KIF15: variants seen among roughly 807,000 people sequenced by gnomAD.
KIF15 encodes kinesin family member 15.
In KIF15, 140 loss-of-function variants were observed where a neutral mutation model predicts 190.6. The observed-to-expected ratio is 0.73, with a 90% CI of 0.64 to 0.84. KIF15 has a LOEUF of 0.84. Ranked by LOEUF, KIF15 falls within the 40% of genes least tolerant of loss-of-function variation. KIF15 has a pLI of 0.00. For synonymous variants in KIF15, 528 were observed against 551.3 expected, an observed-to-expected ratio of 0.96 and a Z score of 0.59; for missense variants, 1,372 against 1,584.4, an observed-to-expected ratio of 0.87 and a Z score of 2.28.
intron 20 of KIF15, among the ~76,000 whole-genome samples, chr3:44,821,806 C>G (rs1016954329): frequency 2.6e-5 from 4 of 152,230 alleles, no homozygotes; most frequent in African/African-American, 9.6e-5. Context: ...GAGCTGAGAT[C>G]ACGCCACTGC....
chr3:44,829,046 A>AC (rs1697829968), intron 24 of KIF15, among the ~76,000 whole-genome samples: 1 of 151,674 alleles, frequency 6.6e-6, no homozygotes, highest in Non-Finnish European at 1.5e-5. Context: ...TCAAAAAAAA[A>AC]AATTATAAAG....
chr3:44,810,967 T>C lies in KIF15; in HGVS notation c.2093T>C (p.Ile698Thr), dbSNP rs146741879. ...TQNSSILDND[I>T]LNEPVPPEMN... The stretch of plus-strand genomic sequence containing the variant: ...AATTCTAGCATATTAGATAATGATA[T>C]ATTAAATGAGCCAGTTCCTCCTGAG... Residue 698 changes from isoleucine (I) to threonine (T), a missense_variant, in exon 17 of 35, where the codon ATA becomes ACA. Ile to Thr is a moderately conservative substitution (Grantham distance 89). Coordinates refer to ENST00000326047, the MANE Select transcript of KIF15 (RefSeq NM_020242.3). 8 of 1,613,748 alleles carry C rather than the reference T, an allele frequency of 5.0e-6. No individual in the cohort carries two copies. The highest frequency in any genetic ancestry group is 1.6e-4 in the Middle Eastern group (1 of 6,084).
rs1251199995 is a variant in KIF15 at position 44,862,311 on chromosome 3, CAG to C, written c.*59+9522_*59+9523del. 1.5e-5 allele frequency: 3 copies of C among 195,286 alleles called. No individual in the cohort carries two copies. In the South Asian group the frequency reaches 5.3e-4, roughly 35 times the overall value. 12.1% of individuals were successfully genotyped at this position (195,286 alleles called of 1,614,324 possible). A position where few individuals can be genotyped will look rare whatever the true frequency, so the allele number is the denominator to read the frequency against. ...GCGGCGCTGCGGTCAGCTGGGGTGG[CAG>C]AGAGTGTTTCGCCTCTAATCACGCC... On this transcript the variant is annotated intron_variant and NMD_transcript_variant, in intron 6 of 6. Coordinates refer to the KIF15 transcript ENST00000422209.
chr3:44,812,717 G>T (rs1419631004), intron 18 of KIF15, among the ~76,000 whole-genome samples: 1 of 152,176 alleles, frequency 6.6e-6, no homozygotes, highest in Non-Finnish European at 1.5e-5. Context: ...AGGCACAGTG[G>T]CTAACACCTG....
chr3:44,822,056 T>C (rs1430792308), intron 20 of KIF15, among the ~76,000 whole-genome samples: 1 of 152,220 alleles, frequency 6.6e-6, no homozygotes, highest in Admixed American at 6.5e-5. Context: ...GAGGTTGCAG[T>C]GAGCTGAGAT....
rs922227812 is a variant in KIF15 at position 44,832,609 on chromosome 3, G to A, written c.3171+1591G>A. Among the ~76,000 whole-genome samples the A allele has an allele frequency of 9.9e-5, 15 of 152,150 alleles. No homozygotes were observed. In the South Asian group the frequency reaches 3.1e-3, roughly 32 times the overall value. On this transcript the variant is annotated intron_variant, in intron 26 of 34. Transcript: ENST00000326047. The stretch of plus-strand genomic sequence containing the variant: ...GATGCATTTTATACATACCAGTTTT[G>A]AATTTTAAGGACCTGTGGGGTAGAT...
chr3:44,848,386 G>A, intron 31 of KIF15, 135 bp from the exon 32 acceptor site: 1 of 577,952 alleles, frequency 1.7e-6, no homozygotes, highest in Non-Finnish European at 3.1e-6. Flanking sequence ...TGTGTAGCTG[G>A]CACTGTGGAA....
intron 2 of KIF15, 26 bp from the exon 3 acceptor site, chr3:44,775,228 T>C: frequency 1.3e-6 from 2 of 1,589,060 alleles, no homozygotes; most frequent in Non-Finnish European, 1.7e-6. Flanking sequence ...TAAACTGAAC[T>C]GTTACTTTCT....
intron 26 of KIF15, among the ~76,000 whole-genome samples, chr3:44,834,362 A>T (rs1398894922): frequency 6.6e-6 from 1 of 152,200 alleles, no homozygotes; most frequent in East Asian, 1.9e-4. Context: ...TGTTATTTGC[A>T]GATGGTCATG....
chr3:44,807,021 G>A (rs1707536280), intron 16 of KIF15, among the ~76,000 whole-genome samples: 1 of 152,072 alleles, frequency 6.6e-6, no homozygotes. Context: ...TAGGATTACA[G>A]GCAAGAGCCA....
chr3:44,841,118 C>T lies in KIF15; in HGVS notation c.3465C>T (p.Leu1155=), dbSNP rs1457806288. The T allele has an allele frequency of 6.2e-7, 1 of 1,613,672 alleles. No individual in the cohort carries two copies. Among genetic ancestry groups the T allele is most frequent in the African/African-American group, 1.3e-5 (1 of 74,868 alleles). ...ACTTTCAAACACATTTGGCAAAACT[C>T]CTGGAAACACAAGAACAAGAGATAG... ...PPHFQTHLAK[L]LETQEQEIED... is the part of the protein sequence containing the mutation. The change falls in exon 29 of 35, where the codon CTC becomes CTT. Residue 1155 remains leucine (L), a synonymous_variant. Coordinates refer to ENST00000326047, the MANE Select transcript of KIF15 (RefSeq NM_020242.3).
chr3:44,783,882 C>A (rs926105376), intron 5 of KIF15, among the ~76,000 whole-genome samples: 1 of 152,150 alleles, frequency 6.6e-6, no homozygotes, highest in Non-Finnish European at 1.5e-5. Context: ...TAGATCTTTT[C>A]TAGCTATATA....
intron 3 of KIF15, among the ~76,000 whole-genome samples, chr3:44,777,381 G>A (rs1377426975): frequency 6.6e-6 from 1 of 152,012 alleles, no homozygotes; most frequent in Non-Finnish European, 1.5e-5. Flanking sequence ...TTTATGTGGA[G>A]CATCGCTGGC....
intron 6 of KIF15, chr3:44,864,091 C>T: frequency 1.4e-6 from 2 of 1,428,562 alleles, no homozygotes; most frequent in Non-Finnish European, 1.9e-6. Flanking sequence ...AGTGGGAGCT[C>T]AGTAGGAGCC....
chr3:44,792,944 A>C (rs1706788998), intron 7 of KIF15, among the ~76,000 whole-genome samples: 1 of 152,148 alleles, frequency 6.6e-6, no homozygotes, highest in African/African-American at 2.4e-5. Context: ...TGAGATAAAG[A>C]CACTAATTTC....
At chr3:44,810,777 T>G in intron 16 of KIF15, 69 bp from the exon 17 acceptor site, 1 of 1,271,524 alleles carries the variant, frequency 7.9e-7, no homozygotes, top group Non-Finnish European at 1.1e-6. Flanking sequence ...TCCTCTCTAT[T>G]CACAAAATTA....
intron 28 of KIF15, 111 bp downstream of exon 28, chr3:44,840,567 C>CT: frequency 1.6e-6 from 1 of 618,710 alleles, no homozygotes. Flanking sequence ...AAGATTTTCA[C>CT]TAATACCCTC....
At chr3:44,815,175 C>A (rs919802377) in intron 20 of KIF15, 99 bp downstream of exon 20, 1 of 1,068,252 alleles carries the variant, frequency 9.4e-7, no homozygotes, top group Admixed American at 3.0e-5. Context: ...AGCAGTTAGA[C>A]AAATAAAAAA....
In KIF15 at chr3:44,805,061, G is replaced by A. The variant is rs140920735; in HGVS notation, c.1722G>A (p.Glu574=). ...QQGFSPKAQK[E]PCLFANTEKL... is the part of the protein sequence containing the mutation. ...GATTTTCACCTAAAGCTCAGAAAGA[G>A]CCATGTTTGTTTGCAAACACTGAGA... Residue 574 remains glutamate, a synonymous_variant, in exon 15 of 35, where the codon GAG becomes GAA. Transcript: ENST00000326047. The A allele has an allele frequency of 6.2e-7, 1 of 1,613,344 alleles. No homozygotes were observed. Among genetic ancestry groups the A allele is most frequent in the South Asian group, 1.1e-5 (1 of 91,030 alleles).
Sources: gnomAD v4.1 joint callset for allele counts (sites outside exome capture counted in the v4.1 genomes callset) on GRCh38, gnomAD v4.1.1 for gene constraint, MANE v1.5 for transcripts, NCBI Gene and HGNC (gene_info 2026-07-23, HGNC 2026-07-21) for gene names.